The following GSE1 variants were observed in gnomAD, a reference collection of about 807,000 sequenced individuals.
The protein encoded by GSE1 is Gse1 coiled-coil protein.
Under a neutral mutation model 112.6 loss-of-function variants are expected in GSE1, and 32 were observed. The observed-to-expected ratio is 0.28, with a 90% CI of 0.21 to 0.38. GSE1 has a LOEUF of 0.38. Among genes scored for constraint, GSE1 ranks in the 10% least tolerant of loss-of-function variants. GSE1 has a pLI of 1.00. For missense variants in GSE1, 2,348 were observed against 1,699.2 expected (o/e 1.38, Z -6.71); for synonymous variants, 1,115 against 735.6 (o/e 1.52, Z -8.35).
At chr16:85,339,839 C>T (rs890483289) in intron 1 of GSE1, among the ~76,000 whole-genome samples, 15 of 152,168 alleles carry the variant, frequency 9.9e-5, no homozygotes, top group South Asian at 4.1e-4. Context: ...GGATATACAT[C>T]GTCTGTCTTC....
chr16:85,183,576 C>T (rs1284197602), intron 1 of GSE1, among the ~76,000 whole-genome samples: 1 of 152,244 alleles, frequency 6.6e-6, no homozygotes, highest in Non-Finnish European at 1.5e-5. Flanking sequence ...ATCTGGCCGT[C>T]CTCCATGCCC....
rs1292566753 is a variant in GSE1, at chr16:85,301,014, C to T, written c.2284-56449C>T. On this transcript the variant is annotated intron_variant, in intron 1 of 2. Transcript: ENST00000637419. ...TCGGCCACAGGGTCCAGTGTGTTCC[C>T]TCCTCCAGGGGCCACCTTCCCCCAC... Among the ~76,000 whole-genome samples the T allele has an allele frequency of 5.3e-5, 8 of 152,272 alleles. No individual in the cohort carries two copies. In the East Asian group the frequency reaches 1.5e-3, roughly 29 times the overall value.
At chr16:85,454,067 C>T (rs971121227) in intron 2 of GSE1, among the ~76,000 whole-genome samples, 1 of 152,182 alleles carries the variant, frequency 6.6e-6, no homozygotes, top group East Asian at 1.9e-4. Context: ...GTGGCAGGCT[C>T]TAGGAGTGGA....
At chr16:85,554,350 C>G (rs1297426955), upstream of GSE1, among the ~76,000 whole-genome samples, 6 of 152,278 alleles carry the variant, frequency 3.9e-5, no homozygotes, top group Non-Finnish European at 7.4e-5. Context: ...TCCACACTCA[C>G]ACTCTCTGTG....
At chr16:85,206,859 C>T (rs1372112280) in intron 1 of GSE1, among the ~76,000 whole-genome samples, 1 of 151,916 alleles carries the variant, frequency 6.6e-6, no homozygotes, top group East Asian at 1.9e-4. Context: ...CACAAGCCCC[C>T]CCAGCCCTCC....
At chr16:85,525,688 A>C (rs2052344380) in intron 2 of GSE1, among the ~76,000 whole-genome samples, 1 of 152,158 alleles carries the variant, frequency 6.6e-6, no homozygotes, top group African/African-American at 2.4e-5. Flanking sequence ...GTGTTTTGTG[A>C]TTAGACCATG....
At chr16:85,572,479 C>T (rs1319622897) in intron 1 of GSE1, among the ~76,000 whole-genome samples, 1 of 151,010 alleles carries the variant, frequency 6.6e-6, no homozygotes, top group Non-Finnish European at 1.5e-5. Flanking sequence ...ACATCACACA[C>T]ACCACATGCA....
At chr16:85,411,223 C>G (rs2048533840) in intron 2 of GSE1, among the ~76,000 whole-genome samples, 1 of 46,904 alleles carries the variant, frequency 2.1e-5, no homozygotes, top group Non-Finnish European at 3.7e-5. Context: ...CCCGGATAAT[C>G]CTCACTGTTA....
At chr16:85,384,849 G>T (rs1460732530) in intron 2 of GSE1, among the ~76,000 whole-genome samples, 1 of 152,204 alleles carries the variant, frequency 6.6e-6, no homozygotes, top group Non-Finnish European at 1.5e-5. Flanking sequence ...GACAGAGCAG[G>T]CCTGTCCGAG....
chr16:85,633,845 C>A, intron 1 of GSE1, 69 bp from the exon 2 acceptor site: 10 of 1,279,132 alleles, frequency 7.8e-6, no homozygotes, highest in Non-Finnish European at 1.1e-5. Flanking sequence ...ACCGGCCCTG[C>A]CGACCCTGCT....
At chr16:85,332,895 G>A (rs1260223689) in intron 1 of GSE1, among the ~76,000 whole-genome samples, 2 of 151,946 alleles carry the variant, frequency 1.3e-5, no homozygotes, top group East Asian at 3.9e-4. Context: ...TCCCACCTCA[G>A]AACCCCCCTT....
intron 2 of GSE1, among the ~76,000 whole-genome samples, chr16:85,443,792 G>A (rs977146605): frequency 6.6e-6 from 1 of 152,150 alleles, no homozygotes; most frequent in Non-Finnish European, 1.5e-5. Context: ...AAAGTGCCAG[G>A]CAGGTCCCTC....
chr16:85,376,431 G>A (rs2047421887), intron 2 of GSE1, among the ~76,000 whole-genome samples: 1 of 152,238 alleles, frequency 6.6e-6, no homozygotes, highest in Admixed American at 6.5e-5. Context: ...TGAGTTCGGT[G>A]GCTGCGCGGG....
At chr16:85,262,792 A>G (rs1472481621) in intron 1 of GSE1, among the ~76,000 whole-genome samples, 1 of 152,204 alleles carries the variant, frequency 6.6e-6, no homozygotes, top group African/African-American at 2.4e-5. Flanking sequence ...GTCTCTCACA[A>G]GCTTGCCGCG....
chr16:85,519,075 G>T (rs2052050207), intron 2 of GSE1, among the ~76,000 whole-genome samples: 1 of 152,158 alleles, frequency 6.6e-6, no homozygotes, highest in South Asian at 2.1e-4. Flanking sequence ...TTTCTCCTCT[G>T]GACAAGTGGA....
intron 2 of GSE1, among the ~76,000 whole-genome samples, chr16:85,540,741 C>A (rs571947533): frequency 6.6e-6 from 1 of 152,068 alleles, no homozygotes; most frequent in Admixed American, 6.6e-5. Context: ...ATGGTGAGAC[C>A]CTGTCTCTTC....
chr16:85,279,503 G>GA (rs1412161637), intron 1 of GSE1, among the ~76,000 whole-genome samples: 3 of 151,898 alleles, frequency 2.0e-5, no homozygotes, highest in South Asian at 2.1e-4. Context: ...GCCACTCAAG[G>GA]GGGGATCACT....
At chr16:85,672,048 G>C in intron 15 of GSE1, 1 of 235,532 alleles carries the variant, frequency 4.2e-6, no homozygotes, top group Non-Finnish European at 8.8e-6. Context: ...ACCCAAGCTG[G>C]AATGCAGTGG....
chr16:85,614,628 C>T (rs892472950), intron 1 of GSE1, among the ~76,000 whole-genome samples: 2 of 152,184 alleles, frequency 1.3e-5, no homozygotes, highest in African/African-American at 4.8e-5. Flanking sequence ...GTTCCGAGGG[C>T]AGCGTGCTGG....
Sources: gnomAD v4.1 joint callset for allele counts (sites outside exome capture counted in the v4.1 genomes callset) on GRCh38, gnomAD v4.1.1 for gene constraint, MANE v1.5 for transcripts, NCBI Gene and HGNC (gene_info 2026-07-23, HGNC 2026-07-21) for gene names.